Variants in SYNPR observed in about 807,000 individuals in gnomAD.
The protein encoded by SYNPR is synaptoporin.
SYNPR carries 23 observed loss-of-function variants against 32.9 expected under a neutral mutation model. That is an observed-to-expected ratio of 0.70 (90% confidence interval 0.50 to 0.99). The LOEUF (loss-of-function observed/expected upper bound fraction) is 0.99, where lower values mean the gene tolerates loss of function less well. Ranked by LOEUF, SYNPR falls within the 50% of genes least tolerant of loss-of-function variation. The pLI is 0.00. For synonymous variants in SYNPR, 146 were observed against 135.9 expected, an observed-to-expected ratio of 1.07 and a Z score of -0.52; for missense variants, 318 against 349.3, an observed-to-expected ratio of 0.91 and a Z score of 0.71.
At chr3:63,414,744 C>T (rs1461341989) in intron 2 of SYNPR, among the ~76,000 whole-genome samples, 2 of 152,158 alleles carry the variant, frequency 1.3e-5, no homozygotes, top group Non-Finnish European at 2.9e-5. Flanking sequence ...TCTATATAAA[C>T]TGAAGCTTTC....
intron 2 of SYNPR, among the ~76,000 whole-genome samples, chr3:63,472,858 G>A (rs1700829922): frequency 6.6e-6 from 1 of 152,124 alleles, no homozygotes; most frequent in African/African-American, 2.4e-5. Flanking sequence ...GTAAGAGTCA[G>A]ATAGTAAATA....
intron 3 of SYNPR, among the ~76,000 whole-genome samples, chr3:63,505,208 T>C (rs904458418): frequency 3.9e-5 from 6 of 152,188 alleles, no homozygotes; most frequent in Admixed American, 6.5e-5. Context: ...CCCAGAAGGT[T>C]AAATGTTAGG....
chr3:63,518,972 G>C (rs1358153317), intron 3 of SYNPR, among the ~76,000 whole-genome samples: 1 of 152,084 alleles, frequency 6.6e-6, no homozygotes, highest in Admixed American at 6.6e-5. Context: ...TAACATCAAG[G>C]GATGATGAAT....
intron 2 of SYNPR, among the ~76,000 whole-genome samples, chr3:63,290,602 G>A: frequency 6.6e-6 from 1 of 151,884 alleles, no homozygotes. Flanking sequence ...CTGATCCGTT[G>A]TATAAAAAAT....
intron 2 of SYNPR, among the ~76,000 whole-genome samples, chr3:63,379,709 C>CT (rs1159829300): frequency 2.0e-5 from 3 of 151,326 alleles, no homozygotes; most frequent in Non-Finnish European, 4.4e-5. Flanking sequence ...TTATTATACT[C>CT]TAAGTTTTAG....
chr3:63,413,354 A>G (rs915593112), intron 2 of SYNPR, among the ~76,000 whole-genome samples: 6 of 152,204 alleles, frequency 3.9e-5, no homozygotes, highest in Non-Finnish European at 7.3e-5. Context: ...CTACAGGCTA[A>G]CAGGCCAATG....
At chr3:63,310,509 C>T (rs1008433871) in intron 2 of SYNPR, among the ~76,000 whole-genome samples, 2 of 152,016 alleles carry the variant, frequency 1.3e-5, no homozygotes, top group African/African-American at 2.4e-5. Flanking sequence ...TCTTTCAGGT[C>T]TGCTTTCACC....
At chr3:63,577,718 G>A (rs1036136616) in intron 4 of SYNPR, among the ~76,000 whole-genome samples, 3 of 152,128 alleles carry the variant, frequency 2.0e-5, no homozygotes, top group African/African-American at 4.8e-5. Context: ...GCTATTAAAA[G>A]TAGGATGGGC....
upstream of SYNPR, among the ~76,000 whole-genome samples, chr3:63,226,476 A>C (rs140312127): frequency 8.5e-5 from 13 of 152,334 alleles, no homozygotes; most frequent in East Asian, 2.5e-3. Context: ...AGACCAATGA[A>C]TAAAGAAAAT....
chr3:63,398,933 G>A (rs2107098064), intron 2 of SYNPR, among the ~76,000 whole-genome samples: 1 of 152,276 alleles, frequency 6.6e-6, no homozygotes, highest in Non-Finnish European at 1.5e-5. Flanking sequence ...TTTGGTGCCA[G>A]CTACAGAACT....
chr3:63,568,337 G>A (rs114847995), intron 4 of SYNPR, among the ~76,000 whole-genome samples: 3,086 of 152,204 alleles, frequency 0.02, 98 homozygotes, highest in African/African-American at 0.071. Context: ...GTGCTGTATT[G>A]CCACCCCATT....
rs1309228350 is a variant in SYNPR, at chr3:63,543,454, TAATC to T, written c.210-13086_210-13083del. Among the ~76,000 whole-genome samples, 6 of 152,302 alleles carry T rather than the reference TAATC, an allele frequency of 3.9e-5. No homozygotes were observed. In the South Asian group the frequency reaches 1.0e-3, roughly 26 times the overall value. ...CTTCTGTTCTATTTAAATATTCTGT[TAATC>T]AAGAGGAAAATTATCAGTAGAAGAT... On this transcript the variant is annotated intron_variant, in intron 3 of 5. Transcript: ENST00000478300.
chr3:63,439,799 T>G (rs1700137969), intron 2 of SYNPR, among the ~76,000 whole-genome samples: 1 of 152,314 alleles, frequency 6.6e-6, no homozygotes, highest in South Asian at 2.1e-4. Flanking sequence ...CTGTTCTGTA[T>G]TTCAAGGCTA....
At chr3:63,431,835 CTTTT>C (rs11331181) in intron 2 of SYNPR, among the ~76,000 whole-genome samples, 1 of 144,592 alleles carries the variant, frequency 6.9e-6, no homozygotes, top group African/African-American at 2.5e-5. Flanking sequence ...TTTCCCTTTT[CTTTT>C]TTTTTTTTTC....
intron 4 of SYNPR, among the ~76,000 whole-genome samples, chr3:63,571,943 C>T (rs1179628492): frequency 6.6e-6 from 1 of 152,112 alleles, no homozygotes; most frequent in Non-Finnish European, 1.5e-5. Context: ...TTTTGCTATC[C>T]CTGAAGAACC....
chr3:63,500,280 C>T (rs1052902119), intron 3 of SYNPR, among the ~76,000 whole-genome samples: 4 of 152,080 alleles, frequency 2.6e-5, no homozygotes, highest in South Asian at 2.1e-4. Context: ...TCTATGCCTC[C>T]GCAGTCATCT....
At chr3:63,431,985 C>T (rs1700005033) in intron 2 of SYNPR, among the ~76,000 whole-genome samples, 2 of 152,146 alleles carry the variant, frequency 1.3e-5, no homozygotes, top group Non-Finnish European at 2.9e-5. Flanking sequence ...TTCTCTCTAA[C>T]TGAGGGCTTC....
chr3:63,297,437 G>A (rs2086800563), intron 2 of SYNPR, among the ~76,000 whole-genome samples: 1 of 152,098 alleles, frequency 6.6e-6, no homozygotes, highest in South Asian at 2.1e-4. Flanking sequence ...CTGATAGGAA[G>A]CAAAATGACA....
chr3:63,590,990 A>G (rs1310910403), intron 4 of SYNPR, among the ~76,000 whole-genome samples: 3 of 147,496 alleles, frequency 2.0e-5, no homozygotes, highest in Non-Finnish European at 4.5e-5. Context: ...TCTGCATAGC[A>G]AAAGAAACTA....
Sources: gnomAD v4.1 joint callset for allele counts (sites outside exome capture counted in the v4.1 genomes callset) on GRCh38, gnomAD v4.1.1 for gene constraint, MANE v1.5 for transcripts, NCBI Gene and HGNC (gene_info 2026-07-23, HGNC 2026-07-21) for gene names.